The following LRRC4C variants were observed in gnomAD, a reference collection of about 807,000 sequenced individuals.
LRRC4C encodes the protein leucine-rich repeat-containing protein 4C.
In LRRC4C, 5 loss-of-function variants were observed where a neutral mutation model predicts 33.6. The observed-to-expected ratio is 0.15, with a 90% CI of 0.08 to 0.31. The LOEUF is 0.31. Ranked by LOEUF, LRRC4C falls within the 10% of genes least tolerant of loss-of-function variation. The pLI is 1.00. For missense variants in LRRC4C, 560 were observed against 796.7 expected, an observed-to-expected ratio of 0.70 and a Z score of 3.58; for synonymous variants, 329 against 302.0, an observed-to-expected ratio of 1.09 and a Z score of -0.93.
intron 3 of LRRC4C, among the ~76,000 whole-genome samples, chr11:40,641,416 T>G (rs1942113223): frequency 6.6e-6 from 1 of 152,126 alleles, no homozygotes; most frequent in East Asian, 1.9e-4. Context: ...CTCTTTCTAT[T>G]TATTTTATAG....
At chr11:40,532,711 T>G (rs1281040458) in intron 3 of LRRC4C, among the ~76,000 whole-genome samples, 1 of 149,950 alleles carries the variant, frequency 6.7e-6, no homozygotes, top group African/African-American at 2.5e-5. Flanking sequence ...GGGGAGGAGT[T>G]GAGTATAGAT....
chr11:41,099,169 G>A (rs1479167573), intron 1 of LRRC4C, among the ~76,000 whole-genome samples: 2 of 151,902 alleles, frequency 1.3e-5, no homozygotes, highest in African/African-American at 2.4e-5. Context: ...CCAATAATGA[G>A]CTCTGAAATT....
chr11:41,177,815 TAA>T (rs1407506685), intron 1 of LRRC4C, among the ~76,000 whole-genome samples: 2 of 152,108 alleles, frequency 1.3e-5, no homozygotes, highest in Non-Finnish European at 2.9e-5. Context: ...CGCCCACTAC[TAA>T]AACACAGTCA....
chr11:41,043,182 A>G (rs1300358800), intron 1 of LRRC4C, among the ~76,000 whole-genome samples: 2 of 148,790 alleles, frequency 1.3e-5, no homozygotes, highest in Non-Finnish European at 3.0e-5. Context: ...TACAATGGAC[A>G]TGGGAGAACT....
intron 1 of LRRC4C, among the ~76,000 whole-genome samples, chr11:41,394,078 G>C (rs1447040520): frequency 6.6e-6 from 1 of 151,904 alleles, no homozygotes; most frequent in Non-Finnish European, 1.5e-5. Flanking sequence ...GAGTCAGTAT[G>C]ACCTACATTC....
At chr11:40,400,596 C>T (rs561459326) in intron 3 of LRRC4C, among the ~76,000 whole-genome samples, 1 of 152,204 alleles carries the variant, frequency 6.6e-6, no homozygotes, top group African/African-American at 2.4e-5. Context: ...CTAGCTAGCC[C>T]TCCATCTCCA....
At chr11:40,194,905 G>A (rs916921639) in intron 5 of LRRC4C, among the ~76,000 whole-genome samples, 5 of 146,530 alleles carry the variant, frequency 3.4e-5, no homozygotes, top group East Asian at 2.1e-4. Context: ...TGGCTAACAC[G>A]GTGGAACCCC....
At chr11:40,452,024 T>C (rs1322547826) in intron 3 of LRRC4C, among the ~76,000 whole-genome samples, 1 of 151,874 alleles carries the variant, frequency 6.6e-6, no homozygotes, top group African/African-American at 2.4e-5. Context: ...GTGCAAGGGG[T>C]CAGGGAATTC....
intron 1 of LRRC4C, among the ~76,000 whole-genome samples, chr11:41,225,664 T>C (rs995772084): frequency 6.6e-6 from 1 of 152,088 alleles, no homozygotes; most frequent in Admixed American, 6.6e-5. Flanking sequence ...TTTGTTTCTA[T>C]CATATATAAA....
At position 40,116,103 on chromosome 11, in the gene LRRC4C, G is replaced by A. The variant is rs768399802; in HGVS notation, c.190C>T (p.Arg64Trp). ...TCCGGAACCTCACGCAGGTTTTTCC[G>A]AACACAAATCACCTTGCTGAACTGG... ...SNQFSKVICV[R>W]KNLREVPDGI... The change falls in exon 7 of 7, where the codon CGG becomes TGG. Residue 64 changes from arginine (R) to tryptophan (W), a missense_variant. Arg to Trp is a moderately radical substitution (Grantham distance 101, BLOSUM62 -3). Coordinates refer to ENST00000528697, the MANE Select transcript of LRRC4C (RefSeq NM_001258419.2). 1.3e-5 allele frequency: 21 copies of A among 1,613,872 alleles called. No individual in the cohort carries two copies. The highest frequency in any genetic ancestry group is 4.5e-5 in the East Asian group (2 of 44,866).
intron 5 of LRRC4C, among the ~76,000 whole-genome samples, chr11:40,170,980 T>C (rs115448280): frequency 0.016 from 2,427 of 152,256 alleles, 60 homozygotes; most frequent in African/African-American, 0.055. Context: ...AGCGAGGAAG[T>C]AGATCAAGGC....
chr11:40,457,406 A>T, intron 3 of LRRC4C, among the ~76,000 whole-genome samples: 1 of 152,226 alleles, frequency 6.6e-6, no homozygotes, highest in African/African-American at 2.4e-5. Flanking sequence ...CTCACACTCA[A>T]CTAAGTATTG....
intron 4 of LRRC4C, among the ~76,000 whole-genome samples, chr11:40,255,748 C>G (rs1450674062): frequency 6.6e-6 from 1 of 152,154 alleles, no homozygotes; most frequent in Non-Finnish European, 1.5e-5. Context: ...ATAAGAAGCA[C>G]TTGATGAAGA....
At chr11:40,296,041 A>G (rs1944495177) in intron 4 of LRRC4C, among the ~76,000 whole-genome samples, 1 of 152,230 alleles carries the variant, frequency 6.6e-6, no homozygotes, top group African/African-American at 2.4e-5. Flanking sequence ...TTGACAGCAA[A>G]GGAAGGCCAA....
chr11:41,237,069 G>A (rs1202236734), intron 1 of LRRC4C, among the ~76,000 whole-genome samples: 2 of 152,196 alleles, frequency 1.3e-5, no homozygotes, highest in Non-Finnish European at 2.9e-5. Context: ...CTATGTATAT[G>A]CCAGATGAAC....
chr11:40,752,712 G>C, intron 2 of LRRC4C, among the ~76,000 whole-genome samples: 1 of 152,004 alleles, frequency 6.6e-6, no homozygotes, highest in East Asian at 1.9e-4. Context: ...AAACGGAATA[G>C]AGATTTCACA....
At chr11:40,779,136 T>A (rs1307124437) in intron 2 of LRRC4C, among the ~76,000 whole-genome samples, 1 of 152,032 alleles carries the variant, frequency 6.6e-6, no homozygotes, top group African/African-American at 2.4e-5. Flanking sequence ...GGAGATAAAA[T>A]GACTATTTTG....
intron 5 of LRRC4C, among the ~76,000 whole-genome samples, chr11:40,208,498 A>T (rs1270041218): frequency 6.6e-6 from 1 of 152,130 alleles, no homozygotes; most frequent in Non-Finnish European, 1.5e-5. Context: ...TTAGTATTGA[A>T]GTAGAGTCCT....
intron 3 of LRRC4C, among the ~76,000 whole-genome samples, chr11:40,396,776 C>T (rs1036526357): frequency 6.6e-6 from 1 of 152,062 alleles, no homozygotes; most frequent in Non-Finnish European, 1.5e-5. Context: ...CCTTTTGAAA[C>T]ATACATTTTA....
Sources: gnomAD v4.1 joint callset for allele counts (sites outside exome capture counted in the v4.1 genomes callset) on GRCh38, gnomAD v4.1.1 for gene constraint, MANE v1.5 for transcripts, NCBI Gene and HGNC (gene_info 2026-07-23, HGNC 2026-07-21) for gene names.